FOXO3: variants seen among roughly 807,000 people sequenced by gnomAD.
The protein encoded by FOXO3 is forkhead box protein O3.
A neutral mutation model predicts 41.9 loss-of-function variants in FOXO3; 4 were observed. That is an observed-to-expected ratio of 0.10 (90% CI 0.05 to 0.22). FOXO3 has a LOEUF of 0.22. Among genes scored for constraint, FOXO3 ranks in the 10% least tolerant of loss-of-function variants. The probability of loss-of-function intolerance (pLI) is 1.00; values close to 1 mark genes in which losing one functional copy is unlikely to be tolerated. For missense variants in FOXO3, 534 were observed against 906.8 expected, an observed-to-expected ratio of 0.59 and a Z score of 5.28; for synonymous variants, 318 against 389.3, an observed-to-expected ratio of 0.82 and a Z score of 2.16.
intron 1 of FOXO3, among the ~76,000 whole-genome samples, chr6:108,594,778 A>G (rs1776829895): frequency 6.6e-6 from 1 of 152,280 alleles, no homozygotes; most frequent in African/African-American, 2.4e-5. Context: ...TGGCATGCCC[A>G]TTCATCCCCA....
chr6:108,656,499 T>C, intron 1 of FOXO3: 1 of 985,348 alleles, frequency 1.0e-6, no homozygotes, highest in South Asian at 4.7e-5. Context: ...GGGGCCGCCC[T>C]GGAACCTTTT....
At chr6:108,594,157 C>T (rs1022839458) in intron 1 of FOXO3, among the ~76,000 whole-genome samples, 8 of 152,048 alleles carry the variant, frequency 5.3e-5, no homozygotes, top group Admixed American at 3.3e-4. Flanking sequence ...CTTGTTTTTC[C>T]CTCCCCCAAA....
upstream of FOXO3, chr6:108,560,742 C>G (rs1024303267): frequency 5.9e-5 from 14 of 237,250 alleles, no homozygotes; most frequent in African/African-American, 2.9e-4. Context: ...TGCGCCAGCT[C>G]CGGCCGCTGC....
intron 1 of FOXO3, among the ~76,000 whole-genome samples, chr6:108,568,870 G>C (rs1200491246): frequency 6.6e-6 from 1 of 152,202 alleles, no homozygotes; most frequent in Non-Finnish European, 1.5e-5. Context: ...AACTCCATAA[G>C]TGTCCATCAC....
At chr6:108,670,589 T>C (rs1469918198) in intron 2 of FOXO3, among the ~76,000 whole-genome samples, 1 of 152,168 alleles carries the variant, frequency 6.6e-6, no homozygotes, top group Non-Finnish European at 1.5e-5. Flanking sequence ...TAAAGGTTAA[T>C]ACACATTATG....
intron 1 of FOXO3, among the ~76,000 whole-genome samples, chr6:108,620,037 A>G (rs748742443): frequency 6.6e-5 from 10 of 152,220 alleles, no homozygotes; most frequent in Non-Finnish European, 1.3e-4. Flanking sequence ...GTCATAGTGA[A>G]TCATCACAGA....
intron 1 of FOXO3, among the ~76,000 whole-genome samples, chr6:108,613,389 C>T (rs529977596): frequency 6.6e-6 from 1 of 152,144 alleles, no homozygotes; most frequent in African/African-American, 2.4e-5. Flanking sequence ...AAATGTTTAA[C>T]TGCTAATTCA....
At chr6:108,595,356 G>C (rs1183948608) in intron 1 of FOXO3, among the ~76,000 whole-genome samples, 3 of 152,168 alleles carry the variant, frequency 2.0e-5, no homozygotes, top group Non-Finnish European at 4.4e-5. Flanking sequence ...TTCAGCTTAA[G>C]CTAAATTTAG....
intron 1 of FOXO3, among the ~76,000 whole-genome samples, chr6:108,628,359 C>T (rs992939719): frequency 4.6e-5 from 7 of 152,182 alleles, no homozygotes; most frequent in African/African-American, 1.7e-4. Context: ...TTCTCTCCTC[C>T]CCCAAAAGCC....
intron 2 of FOXO3, among the ~76,000 whole-genome samples, chr6:108,666,664 T>A (rs906267050): frequency 1.3e-5 from 2 of 152,138 alleles, no homozygotes; most frequent in Non-Finnish European, 2.9e-5. Flanking sequence ...CTTAAATGGC[T>A]TGAACCCCCA....
At chr6:108,598,850 T>C (rs575624357) in intron 1 of FOXO3, among the ~76,000 whole-genome samples, 15 of 152,148 alleles carry the variant, frequency 9.9e-5, no homozygotes, top group Admixed American at 4.6e-4. Context: ...CTGGTGGTCA[T>C]TGGAGACTGC....
chr6:108,658,260 T>C (rs1282013052), intron 1 of FOXO3, among the ~76,000 whole-genome samples: 2 of 152,172 alleles, frequency 1.3e-5, no homozygotes, highest in Non-Finnish European at 2.9e-5. Flanking sequence ...TTATGGATTT[T>C]GTCAATGGAA....
intron 1 of FOXO3, among the ~76,000 whole-genome samples, chr6:108,634,504 A>G (rs1214426881): frequency 6.6e-6 from 1 of 152,124 alleles, no homozygotes; most frequent in South Asian, 2.1e-4. Flanking sequence ...TGTTTGATCC[A>G]TCTGCTAATG....
At chr6:108,667,309 T>A (rs993239949) in intron 2 of FOXO3, among the ~76,000 whole-genome samples, 2 of 152,200 alleles carry the variant, frequency 1.3e-5, no homozygotes, top group African/African-American at 4.8e-5. Flanking sequence ...AGAAGACTAG[T>A]TTGTCTTCCT....
chr6:108,673,676 C>G (rs1173589586), intron 2 of FOXO3, among the ~76,000 whole-genome samples: 1 of 152,170 alleles, frequency 6.6e-6, no homozygotes, highest in Non-Finnish European at 1.5e-5. Context: ...GATGGACTGG[C>G]AATTACACCT....
intron 2 of FOXO3, among the ~76,000 whole-genome samples, chr6:108,677,635 T>C (rs1770666268): frequency 6.6e-6 from 1 of 152,188 alleles, no homozygotes; most frequent in Non-Finnish European, 1.5e-5. Flanking sequence ...GACTTGGGGA[T>C]GGGAGTCCCC....
chr6:108,588,238 T>C (rs1178869305), intron 1 of FOXO3, among the ~76,000 whole-genome samples: 1 of 152,238 alleles, frequency 6.6e-6, no homozygotes, highest in East Asian at 1.9e-4. Flanking sequence ...ATTCAGTATA[T>C]TGAAAAATTC....
chr6:108,670,106 C>T (rs1008834400), intron 2 of FOXO3, among the ~76,000 whole-genome samples: 2 of 152,072 alleles, frequency 1.3e-5, no homozygotes, highest in East Asian at 1.9e-4. Context: ...TTCTGGGATC[C>T]GCTTTGCCAT....
At chr6:108,649,496 A>T (rs1040066270) in intron 1 of FOXO3, among the ~76,000 whole-genome samples, 2 of 141,950 alleles carry the variant, frequency 1.4e-5, no homozygotes, top group African/African-American at 5.2e-5. Flanking sequence ...TGATATCCCT[A>T]GTTCACCACC....
Sources: gnomAD v4.1 joint callset for allele counts (sites outside exome capture counted in the v4.1 genomes callset) on GRCh38, gnomAD v4.1.1 for gene constraint, MANE v1.5 for transcripts, NCBI Gene and HGNC (gene_info 2026-07-23, HGNC 2026-07-21) for gene names.